The following UAP1 variants were observed in gnomAD, a reference collection of about 807,000 sequenced individuals.
UAP1 encodes UDP-N-acetylhexosamine pyrophosphorylase.
UAP1 carries 25 observed loss-of-function variants against 58.5 expected under a neutral mutation model. That is an observed-to-expected ratio of 0.43 (90% CI 0.31 to 0.60). The LOEUF (loss-of-function observed/expected upper bound fraction) is 0.60, where lower values mean the gene tolerates loss of function less well. Among genes scored for constraint, UAP1 ranks in the 20% least tolerant of loss-of-function variants. UAP1 has a pLI of 0.11. For missense variants in UAP1, 575 were observed against 630.0 expected, an observed-to-expected ratio of 0.91 and a Z score of 0.93; for synonymous variants, 208 against 213.0, an observed-to-expected ratio of 0.98 and a Z score of 0.21.
intron 2 of UAP1, among the ~76,000 whole-genome samples, chr1:162,566,630 A>G (rs1005402699): frequency 4.1e-5 from 6 of 144,664 alleles, no homozygotes; most frequent in African/African-American, 1.3e-4. Flanking sequence ...AGCTGGCTTA[A>G]TTTTTTTTTT....
intron 2 of UAP1, 55 bp downstream of exon 2, chr1:162,566,403 G>A: frequency 6.5e-7 from 1 of 1,532,358 alleles, no homozygotes; most frequent in Non-Finnish European, 8.8e-7. Context: ...TACTAAAATT[G>A]TTCAGGTAGC....
At position 162,566,364 on chromosome 1, in the gene UAP1, A is replaced by C. The variant is rs201204002; in HGVS notation, c.280+16A>C. ...GAAAGTGAAGGTACTGGGCATGTAC[A>C]TATTTCTTACTGAAGTTTATTTGAG... On this transcript the variant is annotated intron_variant, in intron 2 of 10. Coordinates refer to ENST00000271469, the Ensembl canonical transcript of UAP1. 3.0e-4 allele frequency: 478 copies of C among 1,591,170 alleles called. 2 individuals carry two copies. The Middle Eastern group carries it at 5.1e-3, about 17-fold the overall frequency.
chr1:162,599,150 TTTATA>T (rs1655786709), intron 10 of UAP1, 116 bp from the exon 11 acceptor site: 5 of 573,888 alleles, frequency 8.7e-6, no homozygotes, highest in East Asian at 3.0e-5. Flanking sequence ...GATTTTGACT[TTTATA>T]TTCTGCATCT....
At chr1:162,566,025 T>C (rs757673733) in exon 2 of UAP1, 3 of 1,577,094 alleles carry the variant, frequency 1.9e-6, no homozygotes, top group Non-Finnish European at 2.6e-6. Context: ...TACAGGTACA[T>C]ACATTACACC....
At chr1:162,597,750 T>C (rs192890716) in intron 9 of UAP1, 42 bp from the exon 10 acceptor site, 5 of 1,557,926 alleles carry the variant, frequency 3.2e-6, no homozygotes, top group East Asian at 2.2e-5. Context: ...GCAAGTAACA[T>C]GGGAAGCAAA....
intron 4 of UAP1, 89 bp downstream of exon 4, chr1:162,579,692 G>T: frequency 8.4e-7 from 1 of 1,186,608 alleles, no homozygotes; most frequent in East Asian, 2.5e-5. Flanking sequence ...TGGTGATTTT[G>T]ATATTTAAAC....
At chr1:162,586,537 A>G (rs945991444) in intron 5 of UAP1, among the ~76,000 whole-genome samples, 11 of 152,150 alleles carry the variant, frequency 7.2e-5, no homozygotes, top group African/African-American at 2.4e-4. Context: ...CTTGTTGCCT[A>G]GGTTGACAAA....
rs943552772 is a variant in UAP1 at position 162,597,604 on chromosome 1, T to C, written c.1410-188T>C. 9 of 525,346 alleles carry C rather than the reference T, an allele frequency of 1.7e-5. No individual in the cohort carries two copies. The Admixed American group carries it at 2.9e-4, about 17-fold the overall frequency. 32.5% of individuals were successfully genotyped at this position (525,346 alleles called of 1,614,324 possible). ...GCACTTGCCCCAAATAGTGTCCTTC[T>C]GACCTGAGAATTTCATATTAACTTA... On this transcript the variant is annotated intron_variant, in intron 9 of 10. Transcript: ENST00000271469.
intron 5 of UAP1, among the ~76,000 whole-genome samples, chr1:162,584,434 G>A (rs1256869802): frequency 6.6e-6 from 1 of 152,172 alleles, no homozygotes; most frequent in Non-Finnish European, 1.5e-5. Flanking sequence ...TAAGTTAGGG[G>A]ATGATTCATA....
intron 4 of UAP1, among the ~76,000 whole-genome samples, chr1:162,580,832 TG>T (rs1654536880): frequency 6.6e-6 from 1 of 152,240 alleles, no homozygotes; most frequent in Non-Finnish European, 1.5e-5. Flanking sequence ...CATATCAATC[TG>T]TTTTTTTAAC....
At chr1:162,577,060 A>C (rs1654234103) in intron 3 of UAP1, 79 bp downstream of exon 3, 2 of 1,316,552 alleles carry the variant, frequency 1.5e-6, no homozygotes, top group African/African-American at 1.5e-5. Context: ...TACTTTATGC[A>C]CTCACAGACA....
chr1:162,576,012 T>C (rs1469006679), intron 2 of UAP1, among the ~76,000 whole-genome samples: 7 of 152,190 alleles, frequency 4.6e-5, no homozygotes, highest in African/African-American at 1.4e-4. Context: ...GTAGCTACCA[T>C]CCCAATCAAC....
chr1:162,597,835 C>T, exon 10 of UAP1: 1 of 1,613,000 alleles, frequency 6.2e-7, no homozygotes, highest in Non-Finnish European at 8.5e-7. Flanking sequence ...TGAAATCTCT[C>T]CTCTTATCTC....
intron 9 of UAP1, chr1:162,593,903 CCAGA>C (rs773376236): frequency 1.3e-5 from 2 of 152,122 alleles, no homozygotes; most frequent in African/African-American, 2.4e-5. Context: ...ATTCCTCTGC[CCAGA>C]CAAATTCCTG....
chr1:162,567,936 C>T (rs891799695), intron 2 of UAP1, among the ~76,000 whole-genome samples: 20 of 152,098 alleles, frequency 1.3e-4, no homozygotes, highest in African/African-American at 4.6e-4. Flanking sequence ...GCTGGGATTA[C>T]AGGTTCGTAC....
intron 1 of UAP1, among the ~76,000 whole-genome samples, chr1:162,563,231 TAGATGAATTGTGCTTGTCCAAA>T (rs1328413335): frequency 6.6e-6 from 1 of 152,234 alleles, no homozygotes; most frequent in African/African-American, 2.4e-5. Context: ...ATAAATATAA[TAGATGAATTGTGCTTGTCCAAA>T]ACTCAAGTAT....
At chr1:162,565,365 TG>T (rs1653424888) in intron 1 of UAP1, among the ~76,000 whole-genome samples, 1 of 152,246 alleles carries the variant, frequency 6.6e-6, no homozygotes, top group African/African-American at 2.4e-5. Flanking sequence ...TCTTATTCAC[TG>T]ATTGTTATAT....
At chr1:162,566,144 G>A (rs1447916201) in exon 2 of UAP1, 2 of 1,613,702 alleles carry the variant, frequency 1.2e-6, no homozygotes, top group East Asian at 4.5e-5. Context: ...GAATGAGCTT[G>A]AAGAAGCCCA....
At chr1:162,587,144 T>TATAATTTGTATAATA (rs1553232002) in intron 5 of UAP1, among the ~76,000 whole-genome samples, 1 of 152,128 alleles carries the variant, frequency 6.6e-6, no homozygotes, top group Non-Finnish European at 1.5e-5. Context: ...AAATAAAAAG[T>TATAATTTGTATAATA]ACAAGATACA....
Sources: allele counts gnomAD v4.1 joint callset (sites outside exome capture counted in the v4.1 genomes callset), GRCh38; gene constraint gnomAD v4.1.1; transcripts MANE v1.5; gene names NCBI Gene and HGNC (gene_info 2026-07-23, HGNC 2026-07-21).